Variants in ATF7IP observed in about 807,000 individuals in gnomAD.
ATF7IP encodes the protein activating transcription factor 7 interacting protein, also known as activating transcription factor 7-interacting protein 1.
Under a neutral mutation model 106.4 loss-of-function variants are expected in ATF7IP, and 23 were observed. The ratio of observed to expected loss-of-function variants is 0.22; its 90% CI spans 0.16 to 0.31. The LOEUF is 0.31. Among genes scored for constraint, ATF7IP ranks in the 10% least tolerant of loss-of-function variants. ATF7IP has a pLI of 1.00. For synonymous variants in ATF7IP, 542 were observed against 539.0 expected (o/e 1.01, Z -0.08); for missense variants, 1,334 against 1,524.3 (o/e 0.88, Z 2.08).
In ATF7IP at chr12:14,423,756, A is replaced by G. The variant is rs529794124; in HGVS notation, c.-7-153A>G. On this transcript the variant is annotated intron_variant, in intron 1 of 14. Coordinates refer to ENST00000261168, the MANE Select transcript of ATF7IP (RefSeq NM_018179.5). ...GTATTACACAGATGCAGTAAATATG[A>G]TAATTAGTATACAACAAGCAGTAGG... The G allele has an allele frequency of 1.3e-4, 99 of 768,422 alleles. 1 individual carries two copies. In the South Asian group the frequency reaches 2.1e-3, roughly 16 times the overall value. The allele number at this position is 768,422 out of a possible 1,614,324, so 47.6% of individuals were successfully genotyped here.
intron 13 of ATF7IP, among the ~76,000 whole-genome samples, chr12:14,486,169 C>T (rs1479069562): frequency 1.3e-5 from 2 of 152,160 alleles, no homozygotes; most frequent in Non-Finnish European, 2.9e-5. Flanking sequence ...ATCCAGTAAT[C>T]CACTGGACCC....
chr12:14,488,678 T>C (rs1944707688), intron 13 of ATF7IP, among the ~76,000 whole-genome samples: 1 of 152,148 alleles, frequency 6.6e-6, no homozygotes, highest in South Asian at 2.1e-4. Flanking sequence ...CCTGAACCCA[T>C]ATACATCTCC....
chr12:14,381,748 TCAAC>T (rs958752280), intron 1 of ATF7IP, among the ~76,000 whole-genome samples: 3 of 152,156 alleles, frequency 2.0e-5, no homozygotes, highest in African/African-American at 4.8e-5. Context: ...ATATTTACTC[TCAAC>T]CAAATACAGT....
chr12:14,442,367 G>A (rs753151476), intron 5 of ATF7IP, among the ~76,000 whole-genome samples: 10 of 152,098 alleles, frequency 6.6e-5, no homozygotes, highest in African/African-American at 1.4e-4. Context: ...GTTGGCAACC[G>A]TTCTACCCAC....
chr12:14,498,001 T>C lies in ATF7IP; in HGVS notation c.3741T>C (p.Asp1247=). ...ACTACTTTGCAGTACGAGCCAAGGATATTTATGGACGTTTTGGGCCTTTCT... is the reference window on the plus strand; with the variant it reads ...ACTACTTTGCAGTACGAGCCAAGGACATTTATGGACGTTTTGGGCCTTTCT... ...SKYYFAVRAK[D]IYGRFGPFCD... Residue 1247 remains aspartate (D), a synonymous_variant, in exon 15 of 15, where the codon GAT becomes GAC. Transcript: ENST00000261168. The C allele has an allele frequency of 6.2e-7, 1 of 1,614,006 alleles. No individual in the cohort carries two copies. The highest frequency in any genetic ancestry group is 1.7e-5 in the Admixed American group (1 of 60,034).
At chr12:14,486,155 A>T (rs745847256) in intron 13 of ATF7IP, among the ~76,000 whole-genome samples, 10 of 152,182 alleles carry the variant, frequency 6.6e-5, no homozygotes, top group Non-Finnish European at 1.5e-4. Flanking sequence ...TGACCACAGG[A>T]TGAATCCAGT....
chr12:14,413,563 A>T (rs1941042383), intron 1 of ATF7IP, among the ~76,000 whole-genome samples: 1 of 152,200 alleles, frequency 6.6e-6, no homozygotes, highest in Non-Finnish European at 1.5e-5. Context: ...TGTCTGCTTT[A>T]CCTTACCAAG....
intron 1 of ATF7IP, among the ~76,000 whole-genome samples, chr12:14,407,739 A>T (rs895275689): frequency 6.6e-6 from 1 of 151,796 alleles, no homozygotes; most frequent in Non-Finnish European, 1.5e-5. Context: ...CAATCTTAAG[A>T]TAATTTGTTT....
chr12:14,424,781 T>G lies in ATF7IP; in HGVS notation c.866T>G (p.Phe289Cys). 2 of 1,614,132 alleles carry G rather than the reference T, an allele frequency of 1.2e-6. No individual in the cohort carries two copies. The highest frequency in any genetic ancestry group is 1.7e-6 in the Non-Finnish European group (2 of 1,180,010). Residue 289 changes from phenylalanine (F) to cysteine (C), a missense_variant, in exon 2 of 15, where the codon TTT becomes TGT. Physicochemically the swap from Phe to Cys is radical, Grantham distance 205. Around this residue, in one of 10 missense-constraint regions of ATF7IP, gnomAD observed 438 missense variants for 405.3 expected, o/e 1.08. Coordinates refer to ENST00000261168, the MANE Select transcript of ATF7IP (RefSeq NM_018179.5). The part of the protein sequence containing the change: ...LTSESTFDRT[F>C]EPKSVPVCEP... ...TCTGAATCAACCTTTGATCGTACCT[T>G]TGAACCAAAGTCTGTACCAGTTTGT...
At chr12:14,446,799 C>G (rs928846700) in intron 5 of ATF7IP, among the ~76,000 whole-genome samples, 189 bp from the exon 6 acceptor site, 4 of 152,088 alleles carry the variant, frequency 2.6e-5, no homozygotes, top group Non-Finnish European at 4.4e-5. Context: ...TTAGGGGTCA[C>G]TTAGTTTTAG....
chr12:14,431,861 T>C (rs1942157290), intron 2 of ATF7IP, among the ~76,000 whole-genome samples: 1 of 152,126 alleles, frequency 6.6e-6, no homozygotes, highest in Non-Finnish European at 1.5e-5. Context: ...AAAATAAAAT[T>C]AAAGAAATAT....
At position 14,433,271 on chromosome 12, in the gene ATF7IP, C is replaced by G. The variant is rs558741186; in HGVS notation, c.1559-1066C>G. On this transcript the variant is annotated intron_variant, in intron 2 of 14. Transcript: ENST00000261168. ...CCTGTAATCTCAGCACTTTGGGAGG[C>G]TGAGGGGGGTGGATCACGAGGTCAA... 1.2e-4 allele frequency among the ~76,000 whole-genome samples: 19 copies of G among 152,178 alleles called. No individual in the cohort carries two copies. The South Asian group carries it at 3.9e-3, about 32-fold the overall frequency.
chr12:14,489,962 G>T (rs1944754796), intron 13 of ATF7IP, among the ~76,000 whole-genome samples: 1 of 152,204 alleles, frequency 6.6e-6, no homozygotes, highest in African/African-American at 2.4e-5. Context: ...CATGATGGAA[G>T]AGGTCCAATA....
At chr12:14,460,355 C>A in intron 8 of ATF7IP, 140 bp from the exon 9 acceptor site, 1 of 821,270 alleles carries the variant, frequency 1.2e-6, no homozygotes, top group Non-Finnish European at 1.8e-6. Context: ...GAATTTAAAT[C>A]TGGAAAAAAA....
intron 2 of ATF7IP, among the ~76,000 whole-genome samples, chr12:14,430,847 G>T (rs2136588011): frequency 6.6e-6 from 1 of 152,286 alleles, no homozygotes; most frequent in South Asian, 2.1e-4. Context: ...GCACTTATTT[G>T]TTTACATGTC....
Position 14,434,364 on chromosome 12 carries a change from A to G in ATF7IP, c.1586A>G (p.Asn529Ser), listed in dbSNP as rs145246872. The G allele has an allele frequency of 9.2e-4, 1,468 of 1,591,008 alleles. 12 individuals are homozygous for G. The South Asian group carries it at 0.014, about 15-fold the overall frequency. ...PAEVESNEKD[N>S]KPEEEEQVIH... ...GAAGTAGAAAGTAATGAAAAGGACA[A>G]CAAACCTGAGGAAGAAGAGCAAGTA... is the stretch of plus-strand genomic sequence containing the variant. The change falls in exon 3 of 15, where the codon AAC becomes AGC. Residue 529 changes from asparagine to serine, a missense_variant. Transcript: ENST00000261168.
At chr12:14,368,927 A>T (rs1938415325) in intron 1 of ATF7IP, among the ~76,000 whole-genome samples, 1 of 150,460 alleles carries the variant, frequency 6.6e-6, no homozygotes, top group South Asian at 2.1e-4. Context: ...GAAGTTTTGC[A>T]TTTTTATGTA....
At chr12:14,406,159 C>T (rs951054683) in intron 1 of ATF7IP, among the ~76,000 whole-genome samples, 28 of 152,100 alleles carry the variant, frequency 1.8e-4, no homozygotes, top group South Asian at 1.0e-3. Flanking sequence ...AGTGCAGTGG[C>T]GTGATGTCAG....
At chr12:14,456,477 C>T in intron 6 of ATF7IP, 84 bp from the exon 7 acceptor site, 1 of 823,200 alleles carries the variant, frequency 1.2e-6, no homozygotes, top group Non-Finnish European at 2.0e-6. Flanking sequence ...AATATATTGA[C>T]AGGCATCTAC....
Sources: gnomAD v4.1 joint callset for allele counts (sites outside exome capture counted in the v4.1 genomes callset) on GRCh38, gnomAD v4.1.1 for gene constraint, gnomAD v4.1.1 regional missense constraint, MANE v1.5 for transcripts, NCBI Gene and HGNC (gene_info 2026-07-23, HGNC 2026-07-21) for gene names.